Variants in SCO2 observed in about 807,000 individuals in gnomAD.
The protein encoded by SCO2 is cytochrome c oxidase assembly factor SCO2.
For missense variants in SCO2, 429 were observed against 348.7 expected (o/e 1.23, Z -1.83); for synonymous variants, 195 against 148.6 (o/e 1.31, Z -2.27).
chr22:50,526,238 A>C, upstream of SCO2: 1 of 1,533,118 alleles, frequency 6.5e-7, no homozygotes, highest in Non-Finnish European at 8.7e-7. Flanking sequence ...GACTCCCCCG[A>C]CGCTCACCAT....
chr22:50,526,123 C>G, upstream of SCO2: 1 of 1,488,366 alleles, frequency 6.7e-7, no homozygotes, highest in Non-Finnish European at 8.9e-7. Context: ...CGGCAGCGCC[C>G]GGACCAGCTC....
chr22:50,523,771 T>C lies in SCO2; in HGVS notation c.641A>G (p.Lys214Arg). ...CACGATGTAGTCCTGGTCCTCATCC[T>C]TGGGGCCTGCATTGTAGTACACGCG... ...SYRVYYNAGP[K>R]DEDQDYIVDH... Residue 214 changes from lysine to arginine, a missense_variant, in exon 2 of 2, where the codon AAG (lysine) becomes AGG (arginine). Physicochemically the swap from Lys to Arg is conservative, Grantham distance 26. Transcript: ENST00000395693. The C allele has an allele frequency of 1.2e-6, 2 of 1,614,180 alleles. No individual in the cohort carries two copies. Among genetic ancestry groups the C allele is most frequent in the Non-Finnish European group, 1.7e-6 (2 of 1,180,022 alleles).
upstream of SCO2, chr22:50,525,925 A>G: frequency 6.7e-7 from 1 of 1,492,388 alleles, no homozygotes; most frequent in Non-Finnish European, 8.9e-7. Flanking sequence ...GTCCCTGCAG[A>G]GCGAGGGGCT....
At chr22:50,524,912 C>G (rs2069269670) in intron 1 of SCO2, 4 of 278,590 alleles carry the variant, frequency 1.4e-5, no homozygotes, top group Non-Finnish European at 2.9e-5. Context: ...CGACCTACCC[C>G]CGGAGCTCAG....
At chr22:50,524,907 T>G in intron 1 of SCO2, 1 of 174,838 alleles carries the variant, frequency 5.7e-6, no homozygotes, top group African/African-American at 2.6e-5. Flanking sequence ...CTGCACGACC[T>G]ACCCCCGGAG....
chr22:50,523,929 C>G lies in SCO2; in HGVS notation c.483G>C (p.Gln161His). ...CGGGGTCCACAGTGATGAAGACAGGCTGCACTGGAGGCAAACCAGGCTCTG... is the reference window on the plus strand; with the variant it reads ...CGGGGTCCACAGTGATGAAGACAGGGTGCACTGGAGGCAAACCAGGCTCTG... Reference protein sequence around the residue: ...LEAEPGLPPVQPVFITVDPER... With the variant: ...LEAEPGLPPVHPVFITVDPER... Residue 161 changes from glutamine to histidine, a missense_variant, in exon 2 of 2, where the codon CAG becomes CAC. Transcript: ENST00000395693. The G allele has an allele frequency of 6.2e-7, 1 of 1,613,038 alleles. No homozygotes were observed. The highest frequency in any genetic ancestry group is 1.1e-5 in the South Asian group (1 of 91,084).
At chr22:50,526,259 C>A (rs774451989), upstream of SCO2, 1 of 1,537,258 alleles carries the variant, frequency 6.5e-7, no homozygotes, top group Non-Finnish European at 8.7e-7. Context: ...CTGCGGGCGC[C>A]AGCAGCTCCT....
rs2069203020 is a variant in SCO2 at position 50,523,914 on chromosome 22, A to G, written c.498T>C (p.Thr166=). 4 of 1,613,634 alleles carry G rather than the reference A, an allele frequency of 2.5e-6. No homozygotes were observed. Among genetic ancestry groups the G allele is most frequent in the South Asian group, 1.1e-5 (1 of 91,082 alleles). The change falls in exon 2 of 2, where the codon ACT becomes ACC. Residue 166 remains threonine (T), a synonymous_variant. Transcript: ENST00000395693. ...CAACGTCGTCCCGCTCGGGGTCCAC[A>G]GTGATGAAGACAGGCTGCACTGGAG... ...GLPPVQPVFI[T]VDPERDDVEA...
In SCO2 at chr22:50,524,072, G is replaced by T; in HGVS notation, c.340C>A (p.Arg114Ser). 1 of 1,613,218 alleles carries T rather than the reference G, an allele frequency of 6.2e-7. No individual in the cohort carries two copies. The highest frequency in any genetic ancestry group is 8.5e-7 in the Non-Finnish European group (1 of 1,180,012). ...FHLLDHRGRA[R>S]CKADFRGQWV... is the part of the protein sequence containing the mutation. Reference sequence around the variant, plus strand: ...TGGCCCCGGAAGTCAGCCTTGCAGCGAGCCCGGCCTCTGTGATCCAGCAGG... The same window carrying T: ...TGGCCCCGGAAGTCAGCCTTGCAGCTAGCCCGGCCTCTGTGATCCAGCAGG... Residue 114 changes from arginine (R) to serine (S), a missense_variant, in exon 2 of 2, where the codon CGC becomes AGC. Transcript: ENST00000395693.
chr22:50,524,264 C>T lies in SCO2; in HGVS notation c.148G>A (p.Gly50Ser), dbSNP rs143543571. 6.2e-7 allele frequency: 1 copy of T among 1,604,604 alleles called. No individual in the cohort carries two copies. ...CGAAGCCCAGGGCCCTGGGGCTGGC[C>T]CTGCCCACCTGTCTCTGCAGGGCCC... is the stretch of plus-strand genomic sequence containing the variant. ...RQGPAETGGQ[G>S]QPQGPGLRTR... Residue 50 changes from glycine (G) to serine (S), a missense_variant, in exon 2 of 2, where the codon GGC becomes AGC. Transcript: ENST00000395693.
In SCO2 at chr22:50,524,414, A is replaced by T. The variant is rs755660351; in HGVS notation, c.-3T>A. 2 of 1,607,740 alleles carry T rather than the reference A, an allele frequency of 1.2e-6. No individual in the cohort carries two copies. The highest frequency in any genetic ancestry group is 1.7e-5 in the Admixed American group (1 of 59,996). On this transcript the variant is annotated 5_prime_UTR_variant, in exon 2 of 2. Coordinates refer to ENST00000395693, the MANE Select transcript of SCO2 (RefSeq NM_005138.3). The stretch of plus-strand genomic sequence containing the variant: ...GGGCTCCGAGTCAGCAGCAGCATGG[A>T]TCTGATGCTCCTGGAAACAAGCACA...
At chr22:50,526,269 T>A, upstream of SCO2, 1 of 1,541,584 alleles carries the variant, frequency 6.5e-7, no homozygotes, top group Non-Finnish European at 8.7e-7. Context: ...CAGCAGCTCC[T>A]CCTGCTCCCG....
chr22:50,523,804 T>C lies in SCO2; in HGVS notation c.608A>G (p.His203Arg), dbSNP rs1188657744. The C allele has an allele frequency of 1.2e-6, 2 of 1,614,108 alleles. No individual in the cohort carries two copies. The highest frequency in any genetic ancestry group is 2.2e-5 in the East Asian group (1 of 44,890). ...TGCATTGTAGTACACGCGGTAACTG[T>C]GACTAGCCTGGGCAACCTGTTTGGT... ...GSTKQVAQAS[H>R]SYRVYYNAGP... Residue 203 changes from histidine (H) to arginine (R), a missense_variant, in exon 2 of 2, where the codon CAC becomes CGC. By Grantham distance (29) the His-to-Arg change is conservative. Transcript: ENST00000395693.
In SCO2 at chr22:50,524,107, C is replaced by T. The variant is rs745886137; in HGVS notation, c.305G>A (p.Gly102Asp). Residue 102 changes from glycine to aspartate, a missense_variant, in exon 2 of 2, where the codon GGC (glycine) becomes GAC (aspartate). Gly to Asp is a moderately conservative substitution (Grantham distance 94). Coordinates refer to ENST00000395693, the MANE Select transcript of SCO2 (RefSeq NM_005138.3). The stretch of plus-strand genomic sequence containing the variant: ...TCTGTGATCCAGCAGGTGGAAGTCG[C>T]CCTGGCCCACAGCTGCCTGGCGCAG... ...EALRQAAVGQ[G>D]DFHLLDHRGR... is the part of the protein sequence containing the mutation. The T allele has an allele frequency of 4.3e-6, 7 of 1,612,958 alleles. No individual in the cohort carries two copies. Among genetic ancestry groups the T allele is most frequent in the Non-Finnish European group, 5.9e-6 (7 of 1,180,024 alleles).
In SCO2 at chr22:50,525,590, G is replaced by T. The variant is rs1472533538; in HGVS notation, c.-132C>A. On this transcript the variant is annotated 5_prime_UTR_variant, in exon 1 of 2. Transcript: ENST00000395693. ...GGCGCCACACGCTCACAGGCAGGGC[G>T]CAGGCGTCCCCGGAGCTGCGCATGC... 2 of 917,448 alleles carry T rather than the reference G, an allele frequency of 2.2e-6. No individual in the cohort carries two copies. The highest frequency in any genetic ancestry group is 3.3e-6 in the Non-Finnish European group (2 of 607,710). 56.8% of individuals were successfully genotyped at this position (917,448 alleles called of 1,614,324 possible). A position where few individuals can be genotyped will look rare whatever the true frequency, so the allele number is the denominator to read the frequency against.
chr22:50,525,586 G>T lies in SCO2; in HGVS notation c.-128C>A. ...AGCGGGCGCCACACGCTCACAGGCA[G>T]GGCGCAGGCGTCCCCGGAGCTGCGC... On this transcript the variant is annotated 5_prime_UTR_variant, in exon 1 of 2. In the 5' UTR this introduces an upstream ATG that the reference lacks. Coordinates refer to ENST00000395693, the MANE Select transcript of SCO2 (RefSeq NM_005138.3). 3.3e-6 allele frequency: 3 copies of T among 897,786 alleles called. No individual in the cohort carries two copies. The highest frequency in any genetic ancestry group is 5.1e-6 in the Non-Finnish European group (3 of 584,136). 55.6% of individuals were successfully genotyped at this position (897,786 alleles called of 1,614,324 possible). A position where few individuals can be genotyped will look rare whatever the true frequency, so the allele number is the denominator to read the frequency against.
At chr22:50,525,320 C>T (rs925498161) in intron 1 of SCO2, 152 bp downstream of exon 1, 3 of 240,184 alleles carry the variant, frequency 1.2e-5, no homozygotes, top group African/African-American at 4.8e-5. Flanking sequence ...CTGCTGGGAG[C>T]CTCCCACGGG....
chr22:50,524,199 G>C lies in SCO2; in HGVS notation c.213C>G (p.Leu71=). 1.2e-6 allele frequency: 2 copies of C among 1,608,628 alleles called. No individual in the cohort carries two copies. Among genetic ancestry groups the C allele is most frequent in the Non-Finnish European group, 1.7e-6 (2 of 1,179,932 alleles). Residue 71 remains leucine, a synonymous_variant, in exon 2 of 2, where the codon CTC becomes CTG. Coordinates refer to ENST00000395693, the MANE Select transcript of SCO2 (RefSeq NM_005138.3). Reference sequence around the variant, plus strand: ...CCCTCAGGGCCAGCCAGGCCCCACCGAGTCCAGCCCCGAACAGGCCTGTGA... The same window carrying C: ...CCCTCAGGGCCAGCCAGGCCCCACCCAGTCCAGCCCCGAACAGGCCTGTGA... ...LLITGLFGAG[L]GGAWLALRAE...
chr22:50,524,180 G>A lies in SCO2; in HGVS notation c.232C>T (p.Leu78=), dbSNP rs149244312. The change falls in exon 2 of 2, where the codon CTG becomes TTG. Residue 78 remains leucine (L), a synonymous_variant. Coordinates refer to ENST00000395693, the MANE Select transcript of SCO2 (RefSeq NM_005138.3). ...TGCAGCCTCTCCTTCTCAGCCCTCA[G>A]GGCCAGCCAGGCCCCACCGAGTCCA... ...GAGLGGAWLA[L]RAEKERLQQQ... 3 of 1,609,488 alleles carry A rather than the reference G, an allele frequency of 1.9e-6. No homozygotes were observed. Among genetic ancestry groups the A allele is most frequent in the Admixed American group, 1.7e-5 (1 of 60,024 alleles).
Sources: gnomAD v4.1 joint callset for allele counts on GRCh38, gnomAD v4.1.1 for gene constraint, MANE v1.5 for transcripts, NCBI Gene and HGNC (gene_info 2026-07-23, HGNC 2026-07-21) for gene names.